Variants in KAZN observed in about 807,000 individuals in gnomAD.
KAZN encodes the protein kazrin, periplakin interacting protein.
A neutral mutation model predicts 87.4 loss-of-function variants in KAZN; 40 were observed. The observed-to-expected ratio is 0.46, with a 90% confidence interval of 0.36 to 0.60. KAZN has a LOEUF of 0.60. Ranked by LOEUF, KAZN falls within the 20% of genes least tolerant of loss-of-function variation. The pLI is 0.00. For missense variants in KAZN, 898 were observed against 1,073.9 expected (o/e 0.84, Z 2.29); for synonymous variants, 466 against 458.3 (o/e 1.02, Z -0.22).
chr1:15,011,305 C>T (rs561933291), intron 2 of KAZN, among the ~76,000 whole-genome samples: 1 of 152,158 alleles, frequency 6.6e-6, no homozygotes, highest in Non-Finnish European at 1.5e-5. Flanking sequence ...TCTCTAAATC[C>T]CAGGGCTCCT....
intron 2 of KAZN, among the ~76,000 whole-genome samples, chr1:14,441,678 G>A (rs1171953543): frequency 6.6e-6 from 1 of 152,130 alleles, no homozygotes; most frequent in Non-Finnish European, 1.5e-5. Context: ...TTTACATAGT[G>A]AGTCAAAATC....
intron 8 of KAZN, among the ~76,000 whole-genome samples, chr1:15,079,283 A>C (rs1043693331): frequency 2.6e-5 from 4 of 152,138 alleles, no homozygotes; most frequent in Non-Finnish European, 4.4e-5. Flanking sequence ...CTAAGGAGGA[A>C]CTGCTTGCCA....
rs1442160058 is a variant in KAZN at position 15,066,513 on chromosome 1, T to C, written c.1222+760T>C. 4 of 985,356 alleles carry C rather than the reference T, an allele frequency of 4.1e-6. No homozygotes were observed. The African/African-American group carries it at 7.0e-5, about 17-fold the overall frequency. The allele number at this position is 985,356 out of a possible 1,614,324, so 61.0% of individuals were successfully genotyped here. A position where few individuals can be genotyped will look rare whatever the true frequency, so the allele number is the denominator to read the frequency against. ...TTGTCAGAGGTCAAACCGGCTCTTT[T>C]AAACGGCCTACCAGTTTTTAAATTG... On this transcript the variant is annotated intron_variant, in intron 8 of 14. Transcript: ENST00000376030. The surrounding 1 kb of genome is among the most constrained non-coding windows in gnomAD (Gnocchi z 4.3).
chr1:14,254,726 G>A (rs1650348251), intron 2 of KAZN, among the ~76,000 whole-genome samples: 2 of 151,974 alleles, frequency 1.3e-5, no homozygotes, highest in Non-Finnish European at 1.5e-5. Flanking sequence ...AAAAAAAAAG[G>A]TTTAATTGGC....
intron 1 of KAZN, among the ~76,000 whole-genome samples, chr1:13,948,948 T>C (rs1301201762): frequency 6.6e-6 from 1 of 152,180 alleles, no homozygotes; most frequent in Non-Finnish European, 1.5e-5. Flanking sequence ...AAATCGTGAC[T>C]GGACTCAAGA....
chr1:14,030,242 G>T (rs919408936), intron 1 of KAZN, among the ~76,000 whole-genome samples: 79 of 151,874 alleles, frequency 5.2e-4, no homozygotes, highest in Admixed American at 1.3e-3. Flanking sequence ...AAGCAATTGT[G>T]AATGGGAGTT....
intron 1 of KAZN, among the ~76,000 whole-genome samples, chr1:14,127,561 A>G (rs1036136427): frequency 4.6e-5 from 7 of 152,152 alleles, no homozygotes; most frequent in African/African-American, 1.7e-4. Flanking sequence ...GCCTTCCTCT[A>G]TAGCTGTATG....
At chr1:15,055,523 A>G (rs951040095) in intron 4 of KAZN, among the ~76,000 whole-genome samples, 3 of 151,760 alleles carry the variant, frequency 2.0e-5, no homozygotes, top group African/African-American at 7.3e-5. Flanking sequence ...TTCTGGTCTC[A>G]CTTTGCTCTT....
At chr1:14,966,727 A>G (rs112928512) in intron 2 of KAZN, among the ~76,000 whole-genome samples, 1 of 152,080 alleles carries the variant, frequency 6.6e-6, no homozygotes, top group African/African-American at 2.4e-5. Flanking sequence ...ACTGGAGTAC[A>G]GTGGCGCCAT....
chr1:14,925,795 T>C (rs1162383272), intron 1 of KAZN, among the ~76,000 whole-genome samples: 1 of 152,146 alleles, frequency 6.6e-6, no homozygotes, highest in Non-Finnish European at 1.5e-5. Context: ...CGCCTCTGGG[T>C]GTCAGGGCAG....
At chr1:14,834,356 C>CTT (rs34228625) in intron 1 of KAZN, among the ~76,000 whole-genome samples, 142 of 88,618 alleles carry the variant, frequency 1.6e-3, no homozygotes, top group South Asian at 6.1e-3. Flanking sequence ...AAGTCACTTC[C>CTT]TTTTTTTTTT....
chr1:14,273,753 C>T (rs926130694), intron 2 of KAZN, among the ~76,000 whole-genome samples: 2 of 152,286 alleles, frequency 1.3e-5, no homozygotes, highest in South Asian at 4.1e-4. Context: ...CCTTCATCTC[C>T]TCTTGGTCAA....
intron 2 of KAZN, among the ~76,000 whole-genome samples, chr1:14,989,333 A>G (rs1003301415): frequency 1.0e-4 from 15 of 146,160 alleles, no homozygotes; most frequent in Admixed American, 3.3e-4. Flanking sequence ...AAAATTAGCC[A>G]GGTTTGGTGG....
intron 1 of KAZN, among the ~76,000 whole-genome samples, chr1:14,741,605 T>G (rs78107922): frequency 0.031 from 4,794 of 152,270 alleles, 98 homozygotes; most frequent in South Asian, 0.072. Context: ...ATCTTTTTAT[T>G]TTTCTCTTAC....
chr1:14,552,268 A>G (rs1366892887), intron 2 of KAZN, among the ~76,000 whole-genome samples: 2 of 152,162 alleles, frequency 1.3e-5, no homozygotes, highest in Non-Finnish European at 2.9e-5. Context: ...AGAGATCTTG[A>G]GCGGTTCATT....
At chr1:14,402,832 C>CT (rs575952546) in intron 2 of KAZN, among the ~76,000 whole-genome samples, 5,221 of 146,474 alleles carry the variant, frequency 0.036, 121 homozygotes, top group South Asian at 0.1. Context: ...GATATAGAAA[C>CT]TTTTTTTTTT....
At chr1:14,142,125 T>G (rs75254389) in intron 1 of KAZN, among the ~76,000 whole-genome samples, 3 of 150,444 alleles carry the variant, frequency 2.0e-5, no homozygotes, top group Admixed American at 6.6e-5. Context: ...TTTTTTTTTT[T>G]GGCTTGCCTT....
intron 1 of KAZN, among the ~76,000 whole-genome samples, chr1:14,133,013 A>G (rs567616020): frequency 8.5e-5 from 13 of 152,268 alleles, no homozygotes; most frequent in Admixed American, 5.2e-4. Flanking sequence ...CGGGTTAAGA[A>G]ATTGGGGGCA....
At chr1:14,186,470 A>G (rs1280861203) in intron 2 of KAZN, among the ~76,000 whole-genome samples, 6 of 152,152 alleles carry the variant, frequency 3.9e-5, no homozygotes, top group Non-Finnish European at 8.8e-5. Flanking sequence ...GAGGGTAGCT[A>G]TGGAGATTTA....
Sources: allele counts gnomAD v4.1 joint callset (sites outside exome capture counted in the v4.1 genomes callset), GRCh38; gene constraint gnomAD v4.1.1; non-coding constraint Gnocchi (gnomAD v3.1); transcripts MANE v1.5; gene names NCBI Gene and HGNC (gene_info 2026-07-23, HGNC 2026-07-21).